The following NALF1 variants were observed in gnomAD, a reference collection of about 807,000 sequenced individuals.
The protein encoded by NALF1 is NALCN channel auxiliary factor 1, also known as family with sequence similarity 155 member A.
Under a neutral mutation model 48.4 loss-of-function variants are expected in NALF1, and 3 were observed. The observed-to-expected ratio is 0.06, with a 90% CI of 0.03 to 0.16. The LOEUF is 0.16. NALF1 is among the 10% of genes least tolerant of loss of function. The probability of loss-of-function intolerance (pLI) is 1.00; values close to 1 mark genes in which losing one functional copy is unlikely to be tolerated. For synonymous variants in NALF1, 262 were observed against 245.7 expected (o/e 1.07, Z -0.62); for missense variants, 526 against 571.5 (o/e 0.92, Z 0.81).
At chr13:107,737,430 C>G (rs1221966882) in intron 1 of NALF1, among the ~76,000 whole-genome samples, 1 of 152,128 alleles carries the variant, frequency 6.6e-6, no homozygotes, top group African/African-American at 2.4e-5. Context: ...CACTTGAAAA[C>G]TAATTGATTT....
intron 1 of NALF1, among the ~76,000 whole-genome samples, chr13:107,228,034 T>C (rs1448710310): frequency 6.6e-6 from 1 of 152,202 alleles, no homozygotes; most frequent in Non-Finnish European, 1.5e-5. Flanking sequence ...ATATGTTATG[T>C]AAAGAGCATA....
At chr13:107,817,931 T>C (rs1030733839) in intron 1 of NALF1, among the ~76,000 whole-genome samples, 13 of 152,332 alleles carry the variant, frequency 8.5e-5, no homozygotes, top group African/African-American at 2.9e-4. Context: ...AAAAGATTTA[T>C]TGTTAGATGC....
intron 1 of NALF1, among the ~76,000 whole-genome samples, chr13:107,278,161 A>T (rs1403167062): frequency 2.0e-5 from 3 of 152,224 alleles, no homozygotes; most frequent in African/African-American, 7.2e-5. Flanking sequence ...TGTGGTTTTA[A>T]GGATATTTCG....
In NALF1 at chr13:107,728,719, T is replaced by TAAAA. The variant is rs56280143; in HGVS notation, c.915+136959_915+136962dup. On this transcript the variant is annotated intron_variant, in intron 1 of 2. Coordinates refer to ENST00000375915, the MANE Select transcript of NALF1 (RefSeq NM_001080396.3). ...TAAAATAAATAAATAAATAAATAAA[T>TAAAA]AAAAAAGAAAAAGAATCCAGCCTTG... Among the ~76,000 whole-genome samples, 655 of 151,172 alleles carry TAAAA rather than the reference T, an allele frequency of 4.3e-3. 1 individual carries two copies. Among genetic ancestry groups the TAAAA allele is most frequent in the African/African-American group, 0.01 (413 of 41,244 alleles).
At chr13:107,439,598 C>T (rs1280149583) in intron 1 of NALF1, among the ~76,000 whole-genome samples, 1 of 152,166 alleles carries the variant, frequency 6.6e-6, no homozygotes, top group Non-Finnish European at 1.5e-5. Flanking sequence ...TTGTCCCATC[C>T]CCTTTCCATA....
At chr13:107,729,073 C>T (rs574278349) in intron 1 of NALF1, among the ~76,000 whole-genome samples, 1 of 152,262 alleles carries the variant, frequency 6.6e-6, no homozygotes, top group East Asian at 1.9e-4. Context: ...AAAATATTCA[C>T]TCTATGGACC....
intron 1 of NALF1, among the ~76,000 whole-genome samples, chr13:107,730,351 T>C (rs1414803620): frequency 6.6e-6 from 1 of 152,198 alleles, no homozygotes; most frequent in African/African-American, 2.4e-5. Context: ...TCCTCTGTAA[T>C]ACAAAAATTA....
At chr13:107,488,708 T>C (rs970366820) in intron 1 of NALF1, among the ~76,000 whole-genome samples, 2 of 152,142 alleles carry the variant, frequency 1.3e-5, no homozygotes, top group African/African-American at 4.8e-5. Flanking sequence ...CCTTGAAAAC[T>C]GGCACAAGAG....
At chr13:107,210,514 G>T in intron 2 of NALF1, 70 bp downstream of exon 2, 1 of 1,105,684 alleles carries the variant, frequency 9.0e-7, no homozygotes, top group Non-Finnish European at 1.4e-6. Context: ...AAACAGCAAA[G>T]CAAACAAACA....
At chr13:107,740,862 G>C (rs1876612342) in intron 1 of NALF1, among the ~76,000 whole-genome samples, 1 of 152,160 alleles carries the variant, frequency 6.6e-6, no homozygotes, top group African/African-American at 2.4e-5. Flanking sequence ...TATATGCTTT[G>C]GAATATGTAC....
intron 1 of NALF1, among the ~76,000 whole-genome samples, chr13:107,225,775 T>C (rs545306780): frequency 1.7e-4 from 26 of 152,116 alleles, no homozygotes; most frequent in African/African-American, 6.3e-4. Flanking sequence ...CAAAGGAGCA[T>C]CACATCCCCT....
intron 1 of NALF1, among the ~76,000 whole-genome samples, chr13:107,781,221 C>T (rs763375270): frequency 6.6e-6 from 1 of 151,928 alleles, no homozygotes; most frequent in Non-Finnish European, 1.5e-5. Context: ...ACCAGAGATG[C>T]CTCTGCAAAA....
intron 1 of NALF1, among the ~76,000 whole-genome samples, chr13:107,274,827 CTG>C (rs1462235924): frequency 6.6e-6 from 1 of 152,100 alleles, no homozygotes; most frequent in African/African-American, 2.4e-5. Context: ...AGTAAGCAAA[CTG>C]TGGTCATGGA....
At chr13:107,580,585 G>A (rs1594140612) in intron 1 of NALF1, among the ~76,000 whole-genome samples, 2 of 151,918 alleles carry the variant, frequency 1.3e-5, no homozygotes, top group African/African-American at 2.4e-5. Context: ...ATTATTTTCG[G>A]TATGTCAGAT....
At chr13:107,839,397 T>C (rs1330043133) in intron 1 of NALF1, among the ~76,000 whole-genome samples, 2 of 149,478 alleles carry the variant, frequency 1.3e-5, no homozygotes, top group African/African-American at 2.5e-5. Flanking sequence ...AAATCACTTA[T>C]TATTTTATAT....
intron 1 of NALF1, among the ~76,000 whole-genome samples, chr13:107,386,604 T>A (rs190348869): frequency 2.6e-5 from 4 of 152,294 alleles, no homozygotes; most frequent in Admixed American, 6.5e-5. Flanking sequence ...AACTGTGTGA[T>A]CCTTGACAAT....
intron 1 of NALF1, among the ~76,000 whole-genome samples, chr13:107,612,761 G>A (rs1212851241): frequency 1.3e-5 from 2 of 152,126 alleles, no homozygotes; most frequent in Non-Finnish European, 2.9e-5. Flanking sequence ...TGAGACTCCA[G>A]CTGGAAATAT....
chr13:107,747,809 C>G (rs1048345798), intron 1 of NALF1, among the ~76,000 whole-genome samples: 1 of 152,062 alleles, frequency 6.6e-6, no homozygotes, highest in African/African-American at 2.4e-5. Flanking sequence ...GTATAAGACT[C>G]CCTGTGATTG....
intron 1 of NALF1, among the ~76,000 whole-genome samples, chr13:107,519,634 T>C (rs1436684397): frequency 6.6e-6 from 1 of 152,156 alleles, no homozygotes; most frequent in African/African-American, 2.4e-5. Context: ...AGGAACCCCA[T>C]TAACTCTTTA....
Sources: allele counts gnomAD v4.1 joint callset (sites outside exome capture counted in the v4.1 genomes callset), GRCh38; gene constraint gnomAD v4.1.1; transcripts MANE v1.5; gene names NCBI Gene and HGNC (gene_info 2026-07-23, HGNC 2026-07-21).